FANCB: variants seen among roughly 807,000 people sequenced by gnomAD.
The protein encoded by FANCB is FA complementation group B.
A neutral mutation model predicts 38.9 loss-of-function variants in FANCB; 5 were observed. The ratio of observed to expected loss-of-function variants is 0.13; its 90% CI spans 0.07 to 0.27. FANCB has a LOEUF of 0.27. Ranked by LOEUF, FANCB falls within the 10% of genes least tolerant of loss-of-function variation. The pLI, the probability that FANCB is intolerant of heterozygous loss-of-function variation, is 1.00. For missense variants in FANCB, 573 were observed against 602.7 expected, an observed-to-expected ratio of 0.95 and a Z score of 0.52; for synonymous variants, 236 against 215.4, an observed-to-expected ratio of 1.10 and a Z score of -0.84.
At chrX:14,854,915 G>A (rs1169219614) in intron 5 of FANCB, among the ~76,000 whole-genome samples, 1 of 111,628 alleles carries the variant, frequency 9.0e-6, no homozygotes, top group Non-Finnish European at 1.9e-5. Context: ...TTCTTAAGGA[G>A]TATTTTAAGT....
chrX:14,775,175 T>G, the FANCB span, among the ~76,000 whole-genome samples: 1 of 97,406 alleles, frequency 1.0e-5, no homozygotes, highest in African/African-American at 3.7e-5. Context: ...TTTTTTTTTT[T>G]TTTTTTTTTT....
chrX:14,864,179 T>A (rs192083906), intron 3 of FANCB, among the ~76,000 whole-genome samples: 1 of 111,569 alleles, frequency 9.0e-6, no homozygotes, highest in South Asian at 3.7e-4. Flanking sequence ...AAAAACTGAT[T>A]TGAATTTTCC....
the FANCB span, among the ~76,000 whole-genome samples, chrX:14,809,316 C>T: frequency 8.9e-6 from 1 of 112,320 alleles, no homozygotes; most frequent in African/African-American, 3.2e-5. Flanking sequence ...TAGGGAGTGC[C>T]AGACAGTGGG....
intron 1 of FANCB, among the ~76,000 whole-genome samples, chrX:14,871,739 AAAT>A (rs1244885637): frequency 1.8e-5 from 2 of 111,581 alleles, no homozygotes; most frequent in African/African-American, 3.3e-5. Context: ...TATGTAAAAC[AAAT>A]AAAACAGCAT....
chrX:14,786,280 G>A, the FANCB span, among the ~76,000 whole-genome samples: 5 of 111,420 alleles, frequency 4.5e-5, no homozygotes, highest in Admixed American at 1.9e-4. Context: ...TGGGGGAGGA[G>A]GGGAGATAGG....
At chrX:14,709,685 G>A in the FANCB span, among the ~76,000 whole-genome samples, 3 of 111,924 alleles carry the variant, frequency 2.7e-5, no homozygotes, top group Non-Finnish European at 5.6e-5. Flanking sequence ...CCAGAATAAT[G>A]GAGCATAGAC....
chrX:14,865,762 G>T (rs2092467144), intron 2 of FANCB, among the ~76,000 whole-genome samples, 182 bp from the exon 3 acceptor site: 1 of 111,648 alleles, frequency 9.0e-6, no homozygotes, highest in Non-Finnish European at 1.9e-5. Flanking sequence ...TTCTGTAGAC[G>T]CTTTAAAAAA....
the FANCB span, among the ~76,000 whole-genome samples, chrX:14,824,347 A>G: frequency 2.2e-3 from 252 of 112,119 alleles, no homozygotes; most frequent in Non-Finnish European, 3.9e-3. Flanking sequence ...CAATGGAAAC[A>G]TAAAGTATTT....
chrX:14,766,039 C>G, the FANCB span, among the ~76,000 whole-genome samples: 2 of 111,311 alleles, frequency 1.8e-5, no homozygotes, highest in African/African-American at 3.3e-5. Flanking sequence ...TTACTGGAAG[C>G]TATTGGGTTG....
At chrX:14,693,460 C>G in the FANCB span, among the ~76,000 whole-genome samples, 6 of 111,409 alleles carry the variant, frequency 5.4e-5, no homozygotes, top group African/African-American at 2.0e-4. Flanking sequence ...AACATGGCCT[C>G]AGAATACACC....
chrX:14,836,125 G>A (rs984575471), exon 11 of FANCB: 1 of 112,048 alleles, frequency 8.9e-6, no homozygotes, highest in African/African-American at 3.2e-5. Flanking sequence ...GCTATGACAC[G>A]AATGAACCTC....
the FANCB span, among the ~76,000 whole-genome samples, chrX:14,807,775 A>C: frequency 8.9e-6 from 1 of 112,003 alleles, no homozygotes; most frequent in Non-Finnish European, 1.9e-5. Flanking sequence ...ATGAATCAAA[A>C]AGTTGGTTTT....
intron 6 of FANCB, among the ~76,000 whole-genome samples, chrX:14,850,904 C>T (rs1301895824): frequency 9.1e-6 from 1 of 109,875 alleles, no homozygotes; most frequent in Admixed American, 9.7e-5. Flanking sequence ...TGGGGTATGG[C>T]AAGATGGGGT....
chrX:14,752,980 GACACACACACACACACAC>G, the FANCB span, among the ~76,000 whole-genome samples: 14 of 68,486 alleles, frequency 2.0e-4, no homozygotes, highest in East Asian at 1.4e-3. Flanking sequence ...CTCTCTCTCT[GACACACACACACACACAC>G]ACACACACAC....
chrX:14,724,259 G>A, the FANCB span, among the ~76,000 whole-genome samples: 3 of 111,272 alleles, frequency 2.7e-5, no homozygotes, highest in Non-Finnish European at 3.8e-5. Context: ...AGAGACTTTT[G>A]TATTCTTGTT....
chrX:14,731,789 C>T, the FANCB span: 14 of 111,903 alleles, frequency 1.3e-4, no homozygotes, highest in Non-Finnish European at 2.3e-4. Context: ...TGTTCAATTT[C>T]AATAAAGCTA....
chrX:14,871,822 T>TA (rs745642475), intron 1 of FANCB, among the ~76,000 whole-genome samples: 1 of 70,717 alleles, frequency 1.4e-5, no homozygotes, highest in Non-Finnish European at 3.1e-5. Context: ...TGCCATGTAC[T>TA]ATTTTTTTTT....
Position 14,844,941 on chromosome X carries a change from A to G in FANCB, c.1842T>C (p.Tyr614=), listed in dbSNP as rs1221976161. 2.5e-6 allele frequency: 3 copies of G among 1,203,231 alleles called. No individual in the cohort carries two copies. Among genetic ancestry groups the G allele is most frequent in the Admixed American group, 2.2e-5 (1 of 45,319 alleles). ...TTAAAAAAACTCTGCCACACACAAC[A>G]TAACGATCTTTAGGACAGTTACCAC... The part of the protein sequence containing the change: ...RESGNCPKDR[Y]VVCGRVFLSL... The change falls in exon 8 of 10, where the codon TAT becomes TAC. Residue 614 remains tyrosine (Y), a synonymous_variant. Transcript: ENST00000650831.
chrX:14,728,445 C>T, the FANCB span, among the ~76,000 whole-genome samples: 2 of 111,655 alleles, frequency 1.8e-5, no homozygotes, highest in African/African-American at 3.3e-5. Context: ...GCACTAGGTG[C>T]AGTCATTAAT....
Sources: allele counts gnomAD v4.1 joint callset (sites outside exome capture counted in the v4.1 genomes callset), GRCh38; gene constraint gnomAD v4.1.1; transcripts MANE v1.5; gene names NCBI Gene and HGNC (gene_info 2026-07-23, HGNC 2026-07-21).